GRB10: variants seen among roughly 807,000 people sequenced by gnomAD.
GRB10 encodes growth factor receptor bound protein 10.
In GRB10, 20 loss-of-function variants were observed where a neutral mutation model predicts 80.9. That is an observed-to-expected ratio of 0.25 (90% confidence interval 0.17 to 0.36). GRB10 has a LOEUF of 0.36. Among genes scored for constraint, GRB10 ranks in the 10% least tolerant of loss-of-function variants. The probability of loss-of-function intolerance (pLI) is 1.00; values close to 1 mark genes in which losing one functional copy is unlikely to be tolerated. For missense variants in GRB10, 548 were observed against 747.7 expected (o/e 0.73, Z 3.12); for synonymous variants, 291 against 291.5 (o/e 1.00, Z 0.02).
chr7:50,715,100 G>A (rs1171743205), intron 4 of GRB10, among the ~76,000 whole-genome samples: 3 of 151,892 alleles, frequency 2.0e-5, no homozygotes, highest in East Asian at 1.9e-4. Context: ...ACAGGTAGAG[G>A]GCAGGGGGCC....
At chr7:50,701,338 T>C (rs961074666) in intron 5 of GRB10, among the ~76,000 whole-genome samples, 3 of 152,138 alleles carry the variant, frequency 2.0e-5, no homozygotes, top group Non-Finnish European at 4.4e-5. Context: ...AGCTCACACA[T>C]GTAAACCAAG....
rs746315665 is a variant in GRB10, at chr7:50,669,761, C to A, written c.465G>T (p.Thr155=). Residue 155 remains threonine, a synonymous_variant, in exon 7 of 19, where the codon ACG becomes ACT. Coordinates refer to ENST00000401949, the MANE Select transcript of GRB10 (RefSeq NM_001350814.2). ...CCTGGCTCGGAGGTAAAGAACCCGG[C>A]GTGAGCACAGGGGGGCTCCCAGGGC... ...LCGPGSPPVL[T]PGSLPPSQAA... 1 of 1,613,828 alleles carries A rather than the reference C, an allele frequency of 6.2e-7. No homozygotes were observed. The highest frequency in any genetic ancestry group is 8.5e-7 in the Non-Finnish European group (1 of 1,179,998).
At chr7:50,689,608 C>T (rs907447596) in intron 5 of GRB10, among the ~76,000 whole-genome samples, 9 of 152,108 alleles carry the variant, frequency 5.9e-5, no homozygotes, top group Middle Eastern at 3.2e-3. Context: ...GTCTGCTCCT[C>T]AGAGGATCAC....
chr7:50,704,392 C>A (rs1215799979), intron 4 of GRB10, among the ~76,000 whole-genome samples: 1 of 152,172 alleles, frequency 6.6e-6, no homozygotes, highest in Non-Finnish European at 1.5e-5. Context: ...GAGAACAACA[C>A]TTTCAGGCAA....
At chr7:50,752,765 G>A (rs977945035) in intron 3 of GRB10, among the ~76,000 whole-genome samples, 1 of 152,170 alleles carries the variant, frequency 6.6e-6, no homozygotes, top group Admixed American at 6.5e-5. Flanking sequence ...AGCCCCGCAA[G>A]GCAGAAGCTG....
chr7:50,656,300 C>T (rs761116400), intron 7 of GRB10, among the ~76,000 whole-genome samples: 2 of 152,294 alleles, frequency 1.3e-5, no homozygotes, highest in South Asian at 2.1e-4. Context: ...CGTCCCAGGG[C>T]GATCCTGTGG....
chr7:50,722,287 G>A (rs893138740), intron 4 of GRB10, among the ~76,000 whole-genome samples: 1 of 152,164 alleles, frequency 6.6e-6, no homozygotes, highest in Non-Finnish European at 1.5e-5. Flanking sequence ...TCCTGCAAGG[G>A]TCATTCCAAG....
chr7:50,631,639 C>T (rs2054020180), intron 7 of GRB10, among the ~76,000 whole-genome samples: 1 of 152,190 alleles, frequency 6.6e-6, no homozygotes. Context: ...GAGAAATTAT[C>T]AAAGCAGGCA....
intron 2 of GRB10, among the ~76,000 whole-genome samples, chr7:50,769,874 G>A (rs985269597): frequency 1.3e-5 from 2 of 152,064 alleles, no homozygotes; most frequent in South Asian, 2.1e-4. Context: ...AGGCACTCTC[G>A]GGTGGATGAT....
At chr7:50,687,747 G>T (rs1289589156) in intron 5 of GRB10, among the ~76,000 whole-genome samples, 2 of 152,076 alleles carry the variant, frequency 1.3e-5, no homozygotes, top group Non-Finnish European at 2.9e-5. Context: ...ACCTTGTCCT[G>T]CCAGCAGAGA....
At chr7:50,783,240 T>C (rs1214768584), upstream of GRB10, among the ~76,000 whole-genome samples, 1 of 152,046 alleles carries the variant, frequency 6.6e-6, no homozygotes, top group Non-Finnish European at 1.5e-5. Flanking sequence ...CTCACCCTTC[T>C]CCCCAAAATG....
chr7:50,756,424 C>T (rs1021682277), intron 2 of GRB10, among the ~76,000 whole-genome samples: 2 of 152,236 alleles, frequency 1.3e-5, no homozygotes, highest in African/African-American at 4.8e-5. Context: ...AGGTCAGGGT[C>T]CTCCCAGGCT....
chr7:50,775,834 G>A (rs776050784), intron 2 of GRB10, among the ~76,000 whole-genome samples: 1 of 152,236 alleles, frequency 6.6e-6, no homozygotes, highest in Non-Finnish European at 1.5e-5. Flanking sequence ...GCCTTCCACA[G>A]CAATGGAACT....
intron 13 of GRB10, among the ~76,000 whole-genome samples, chr7:50,611,806 G>T (rs185220001): frequency 1.3e-5 from 2 of 152,256 alleles, no homozygotes; most frequent in East Asian, 1.9e-4. Context: ...ACAGTTCAAC[G>T]AAGGCTGGGA....
At chr7:50,680,554 C>T (rs2061427059) in intron 5 of GRB10, among the ~76,000 whole-genome samples, 1 of 152,208 alleles carries the variant, frequency 6.6e-6, no homozygotes, top group South Asian at 2.1e-4. Flanking sequence ...AGTGCTGGTG[C>T]CTATGGAGAC....
chr7:50,740,336 T>C (rs12536500), intron 3 of GRB10, among the ~76,000 whole-genome samples: 96,815 of 152,110 alleles, frequency 0.64, 33,752 homozygotes, highest in Middle Eastern at 0.83. Flanking sequence ...AAACCCCATC[T>C]TGTTCAAGAA....
chr7:50,666,912 C>T (rs573737614), intron 7 of GRB10, among the ~76,000 whole-genome samples: 3 of 151,990 alleles, frequency 2.0e-5, no homozygotes, highest in African/African-American at 4.8e-5. Context: ...TGGTGGCGGG[C>T]GCCTGTAGTC....
chr7:50,759,184 C>T (rs1365999174), intron 2 of GRB10, among the ~76,000 whole-genome samples: 1 of 134,892 alleles, frequency 7.4e-6, no homozygotes, highest in Non-Finnish European at 1.6e-5. Context: ...CAGAGTGAGA[C>T]TCTGCCTCAA....
At chr7:50,669,601 T>C (rs764540437) in intron 7 of GRB10, 121 bp downstream of exon 7, 4 of 946,432 alleles carry the variant, frequency 4.2e-6, no homozygotes, top group Non-Finnish European at 6.6e-6. Flanking sequence ...AGAAAAGAAC[T>C]GAGAGAGAAG....
Sources: allele counts gnomAD v4.1 joint callset (sites outside exome capture counted in the v4.1 genomes callset), GRCh38; gene constraint gnomAD v4.1.1; transcripts MANE v1.5; gene names NCBI Gene and HGNC (gene_info 2026-07-23, HGNC 2026-07-21).